NEBL: variants seen among roughly 807,000 people sequenced by gnomAD.
The protein encoded by NEBL is nebulette, also known as LIM and SH3 protein 2.
Under a neutral mutation model 140.2 loss-of-function variants are expected in NEBL, and 122 were observed. The observed-to-expected ratio is 0.87, with a 90% CI of 0.75 to 1.01. The LOEUF is 1.01. Among genes scored for constraint, NEBL ranks in the 50% least tolerant of loss-of-function variants. The pLI, the probability that NEBL is intolerant of heterozygous loss-of-function variation, is 0.00. For synonymous variants in NEBL, 436 were observed against 398.9 expected (o/e 1.09, Z -1.11); for missense variants, 1,365 against 1,231.3 (o/e 1.11, Z -1.62).
rs201858785 is a variant in NEBL at position 20,808,518 on chromosome 10, T to A, written c.2753A>T (p.Asp918Val). Residue 918 changes from aspartate to valine, a missense_variant, in exon 26 of 28, where the codon GAT becomes GTT. Asp to Val is a radical substitution (Grantham distance 152, BLOSUM62 -3). This residue lies in a region of NEBL where 1,323 missense variants were observed against 1,154.8 expected (regional missense o/e 1.15). Coordinates refer to ENST00000377122, the MANE Select transcript of NEBL (RefSeq NM_006393.3). ...CAGTGAATGTTTGATACCTCCTTCA[T>A]CAGACGGTCTTGTTACCTCACTGCA... ...SCCSEVTRPS[D>V]EGAPVLPGAY... 6.2e-7 allele frequency: 1 copy of A among 1,613,958 alleles called. No homozygotes were observed. Among genetic ancestry groups the A allele is most frequent in the East Asian group, 2.2e-5 (1 of 44,858 alleles).
chr10:21,146,030 G>A (rs528556168), intron 2 of NEBL, among the ~76,000 whole-genome samples: 1 of 152,298 alleles, frequency 6.6e-6, no homozygotes, highest in Non-Finnish European at 1.5e-5. Context: ...GGAGTGGGAA[G>A]GCAAAGAGGA....
intron 10 of NEBL, among the ~76,000 whole-genome samples, chr10:20,851,053 T>C (rs936049372): frequency 6.6e-6 from 1 of 152,178 alleles, no homozygotes; most frequent in Non-Finnish European, 1.5e-5. Flanking sequence ...ATATTTAATA[T>C]CATATTATGA....
At position 21,187,490 on chromosome 10, in the gene NEBL, T is replaced by A. The variant is rs144497061; in HGVS notation, n.349-15013A>T. On this transcript the variant is annotated intron_variant and non_coding_transcript_variant, in intron 3 of 8. Transcript: ENST00000675702. ...TGGCTTTTTGAATTTATTATTATCATTATTATTACTATTATTATTTATTAT... is the reference window on the plus strand; with the variant it reads ...TGGCTTTTTGAATTTATTATTATCAATATTATTACTATTATTATTTATTAT... 7.8e-3 allele frequency among the ~76,000 whole-genome samples: 1,181 copies of A among 150,978 alleles called. 10 individuals are homozygous for A. Among genetic ancestry groups the A allele is most frequent in the African/African-American group, 0.027 (1,125 of 41,268 alleles).
At chr10:21,092,509 T>A (rs572866620) in intron 2 of NEBL, among the ~76,000 whole-genome samples, 6 of 151,938 alleles carry the variant, frequency 3.9e-5, no homozygotes, top group Admixed American at 1.3e-4. Flanking sequence ...CTTGTCAATC[T>A]ATTCTGGCTG....
In NEBL at chr10:20,880,794, A is replaced by C; in HGVS notation, c.480T>G (p.Asn160Lys). ...HAMEVNKHQS[N>K]ISYRKDVQDT... ...AATCATGAGAAATGCGCTTCCTTAC[A>C]TTACTCTGGTGTTTATTGACCTCCA... Residue 160 changes from asparagine to lysine, a missense_variant and splice_region_variant, in exon 5 of 28, where the codon AAT becomes AAG. By Grantham distance (94) the Asn-to-Lys change is moderately conservative (BLOSUM62 0). Around this residue, in one of 2 missense-constraint regions of NEBL, gnomAD observed 1,323 missense variants for 1,154.8 expected, o/e 1.15. Coordinates refer to ENST00000377122, the MANE Select transcript of NEBL (RefSeq NM_006393.3). 1.2e-6 allele frequency: 2 copies of C among 1,604,798 alleles called. No individual in the cohort carries two copies. The highest frequency in any genetic ancestry group is 1.7e-6 in the Non-Finnish European group (2 of 1,171,556).
intron 1 of NEBL, among the ~76,000 whole-genome samples, chr10:21,271,400 G>C (rs1481361872): frequency 6.6e-6 from 1 of 152,166 alleles, no homozygotes. Flanking sequence ...AAATAAAGAT[G>C]TTGGTGAAAG....
chr10:21,129,623 A>G (rs1038081463), intron 2 of NEBL, among the ~76,000 whole-genome samples: 3 of 152,156 alleles, frequency 2.0e-5, no homozygotes, highest in Non-Finnish European at 4.4e-5. Context: ...GAATTATTTT[A>G]TTATAAGGTA....
chr10:20,989,997 G>A (rs1011594831), intron 3 of NEBL, among the ~76,000 whole-genome samples: 4 of 152,094 alleles, frequency 2.6e-5, no homozygotes, highest in Admixed American at 2.0e-4. Flanking sequence ...ATATTTTCCT[G>A]TCACATTAGA....
intron 2 of NEBL, among the ~76,000 whole-genome samples, chr10:21,082,864 G>A (rs969771089): frequency 6.8e-6 from 1 of 147,388 alleles, no homozygotes; most frequent in Non-Finnish European, 1.5e-5. Context: ...TCAGGTTCAA[G>A]CAATTCTCTT....
intron 2 of NEBL, among the ~76,000 whole-genome samples, chr10:21,082,249 G>C (rs1044702176): frequency 6.6e-6 from 1 of 152,160 alleles, no homozygotes; most frequent in African/African-American, 2.4e-5. Context: ...CATCATTCTA[G>C]ATTGGATCCT....
intron 3 of NEBL, among the ~76,000 whole-genome samples, chr10:20,967,005 A>AG (rs1448013989): frequency 1.3e-5 from 2 of 152,044 alleles, no homozygotes; most frequent in Non-Finnish European, 2.9e-5. Context: ...GTTAAAGGAG[A>AG]TTCACGTTAA....
chr10:20,978,774 GA>G (rs914953360), intron 3 of NEBL, among the ~76,000 whole-genome samples: 10 of 151,828 alleles, frequency 6.6e-5, no homozygotes, highest in African/African-American at 2.4e-4. Context: ...AAAAAGTTTG[GA>G]AAGGTGTGGA....
chr10:21,104,110 C>T (rs994359914), intron 2 of NEBL, among the ~76,000 whole-genome samples: 7 of 152,184 alleles, frequency 4.6e-5, no homozygotes, highest in Admixed American at 2.0e-4. Context: ...TGCTCTACAT[C>T]GCCCTGTATA....
chr10:21,110,050 T>G (rs576616597), intron 2 of NEBL, among the ~76,000 whole-genome samples: 1 of 152,266 alleles, frequency 6.6e-6, no homozygotes, highest in Non-Finnish European at 1.5e-5. Flanking sequence ...TGCTAGCTTT[T>G]GAATGTGTCT....
intron 4 of NEBL, among the ~76,000 whole-genome samples, chr10:20,926,025 G>C (rs140925541): frequency 6.6e-6 from 1 of 152,266 alleles, no homozygotes; most frequent in Non-Finnish European, 1.5e-5. Flanking sequence ...CCAGTAAATT[G>C]AGAAAGAGCA....
At chr10:20,953,453 G>A (rs7910227) in intron 4 of NEBL, among the ~76,000 whole-genome samples, 8,532 of 151,168 alleles carry the variant, frequency 0.056, 640 homozygotes, top group East Asian at 0.34. Flanking sequence ...GCTTTACGCT[G>A]CCCAACCTGC....
intron 3 of NEBL, among the ~76,000 whole-genome samples, chr10:20,970,146 A>G (rs536637070): frequency 6.6e-6 from 1 of 152,318 alleles, no homozygotes; most frequent in East Asian, 1.9e-4. Flanking sequence ...TTCCAAGCAT[A>G]GTAATGAGTG....
chr10:21,209,208 T>C (rs1295626727), intron 3 of NEBL, among the ~76,000 whole-genome samples: 2 of 152,222 alleles, frequency 1.3e-5, no homozygotes, highest in African/African-American at 4.8e-5. Context: ...TAGTCGCTTT[T>C]TAAAAAGACT....
At chr10:20,793,808 G>T (rs1836237952) in intron 26 of NEBL, among the ~76,000 whole-genome samples, 2 of 152,182 alleles carry the variant, frequency 1.3e-5, no homozygotes, top group Non-Finnish European at 2.9e-5. Context: ...CATCCACCTT[G>T]GCCTCCCAAA....
Sources: gnomAD v4.1 joint callset for allele counts (sites outside exome capture counted in the v4.1 genomes callset) on GRCh38, gnomAD v4.1.1 for gene constraint, gnomAD v4.1.1 regional missense constraint, MANE v1.5 for transcripts, NCBI Gene and HGNC (gene_info 2026-07-23, HGNC 2026-07-21) for gene names.